The following FBXO21 variants were observed in gnomAD, a reference collection of about 807,000 sequenced individuals.
FBXO21 encodes F-box only protein 21.
In FBXO21, 32 loss-of-function variants were observed where a neutral mutation model predicts 76.6. The ratio of observed to expected loss-of-function variants is 0.42; its 90% CI spans 0.32 to 0.56. The LOEUF is 0.56. FBXO21 is among the 20% of genes least tolerant of loss of function. The pLI is 0.16. For missense variants in FBXO21, 586 were observed against 797.3 expected, an observed-to-expected ratio of 0.73 and a Z score of 3.19; for synonymous variants, 328 against 311.5, an observed-to-expected ratio of 1.05 and a Z score of -0.56.
At chr12:117,158,994 C>T (rs1401596168) in intron 9 of FBXO21, among the ~76,000 whole-genome samples, 6 of 152,226 alleles carry the variant, frequency 3.9e-5, no homozygotes, top group Non-Finnish European at 8.8e-5. Context: ...TTACAGCAAC[C>T]TGGACTCTAG....
In FBXO21 at chr12:117,145,549, G is replaced by A. The variant is rs1230863633; in HGVS notation, c.*538C>T. ...TTCTAATTACCATTAGCTTGTTAAT[G>A]TCTCCATCTCTAAGATGCTGCCAAG... is the stretch of plus-strand genomic sequence containing the variant. On this transcript the variant is annotated 3_prime_UTR_variant, in exon 12 of 12. Transcript: ENST00000622495. 1 of 152,076 alleles carries A rather than the reference G, an allele frequency of 6.6e-6. No homozygotes were observed. Among genetic ancestry groups the A allele is most frequent in the East Asian group, 1.9e-4 (1 of 5,192 alleles). The allele number at this position is 152,076 out of a possible 1,614,324, so 9.4% of individuals were successfully genotyped here.
Position 117,171,336 on chromosome 12 carries a change from T to C in FBXO21, c.1013+1135A>G, listed in dbSNP as rs897681881. Among the ~76,000 whole-genome samples the C allele has an allele frequency of 7.9e-5, 9 of 114,102 alleles. No homozygotes were observed. The Admixed American group carries it at 1.2e-3, about 15-fold the overall frequency. 74.9% of individuals were successfully genotyped at this position (114,102 alleles called of 152,430 possible). On this transcript the variant is annotated intron_variant, in intron 7 of 11. Transcript: ENST00000622495. ...TTGCGCCAATGCACCCCAGCCTGGG[T>C]GGCACAGCCAGACCCTGTCTCAAAA...
Position 117,190,330 on chromosome 12 carries a change from A to G in FBXO21, c.127T>C (p.Cys43Arg), listed in dbSNP as rs1474263533. The G allele has an allele frequency of 6.5e-7, 1 of 1,542,560 alleles. No homozygotes were observed. Among genetic ancestry groups the G allele is most frequent in the Non-Finnish European group, 8.7e-7 (1 of 1,154,516 alleles). ...LPGEVLEYIL[C>R]CGSLTAADIG... ...TCGGCGGCCGTCAGCGAGCCGCAGC[A>G]CAGGATGTACTCCAGCACCTCACCC... Residue 43 changes from cysteine to arginine, a missense_variant, in exon 1 of 12, where the codon TGC (cysteine) becomes CGC (arginine). Transcript: ENST00000622495.
At position 117,165,721 on chromosome 12, in the gene FBXO21, C is replaced by T. The variant is rs144806923; in HGVS notation, c.1194-104G>A. 75 of 1,157,108 alleles carry T rather than the reference C, an allele frequency of 6.5e-5. No homozygotes were observed. The African/African-American group carries it at 1.0e-3, about 16-fold the overall frequency. The allele number at this position is 1,157,108 out of a possible 1,614,324, so 71.7% of individuals were successfully genotyped here. A position where few individuals can be genotyped will look rare whatever the true frequency, so the allele number is the denominator to read the frequency against. On this transcript the variant is annotated intron_variant, in intron 8 of 11. Coordinates refer to ENST00000622495, the MANE Select transcript of FBXO21 (RefSeq NM_015002.3). ...AAATATAATTGACACAAATCCCAAA[C>T]GTTTTCTGATTCTGGTATTTCTTCT...
At chr12:117,149,925 T>C (rs1349255910) in intron 11 of FBXO21, among the ~76,000 whole-genome samples, 1 of 151,934 alleles carries the variant, frequency 6.6e-6, no homozygotes, top group African/African-American at 2.4e-5. Context: ...GCATGAGAAG[T>C]CCAGGCAGGA....
chr12:117,167,745 C>CAAAA (rs113871818), intron 7 of FBXO21, among the ~76,000 whole-genome samples: 1 of 134,490 alleles, frequency 7.4e-6, no homozygotes, highest in African/African-American at 2.9e-5. Context: ...GACTCTGTCT[C>CAAAA]AAAAAAAAAA....
intron 11 of FBXO21, among the ~76,000 whole-genome samples, chr12:117,147,098 C>G (rs572963096): frequency 2.0e-5 from 3 of 151,422 alleles, no homozygotes; most frequent in Non-Finnish European, 4.4e-5. Flanking sequence ...AAAAACTAGC[C>G]AGGCATGGTG....
At chr12:117,185,751 C>T (rs1956275513) in intron 3 of FBXO21, among the ~76,000 whole-genome samples, 1 of 152,096 alleles carries the variant, frequency 6.6e-6, no homozygotes, top group African/African-American at 2.4e-5. Context: ...AAAAATCATC[C>T]ATTAAATTAA....
intron 11 of FBXO21, among the ~76,000 whole-genome samples, chr12:117,148,228 G>A (rs1206131553): frequency 1.3e-5 from 2 of 152,160 alleles, no homozygotes; most frequent in African/African-American, 4.8e-5. Context: ...AGGCTGTTTC[G>A]GCAGACTGTG....
At chr12:117,170,886 A>G (rs2135869860) in intron 7 of FBXO21, among the ~76,000 whole-genome samples, 1 of 152,228 alleles carries the variant, frequency 6.6e-6, no homozygotes, top group Non-Finnish European at 1.5e-5. Flanking sequence ...TGGTTGGGTT[A>G]TTTGGGGAGA....
intron 11 of FBXO21, among the ~76,000 whole-genome samples, chr12:117,148,062 C>T (rs773176531): frequency 6.6e-6 from 1 of 152,208 alleles, no homozygotes; most frequent in Non-Finnish European, 1.5e-5. Flanking sequence ...CCTGCATCCC[C>T]GAAGTACACA....
chr12:117,148,376 C>G (rs1955802792), intron 11 of FBXO21, among the ~76,000 whole-genome samples: 1 of 152,200 alleles, frequency 6.6e-6, no homozygotes, highest in Non-Finnish European at 1.5e-5. Flanking sequence ...TGTAAACGTC[C>G]AAGTGTAGGT....
chr12:117,172,830 T>C (rs1318644378), intron 6 of FBXO21, among the ~76,000 whole-genome samples: 4 of 152,206 alleles, frequency 2.6e-5, no homozygotes, highest in East Asian at 3.9e-4. Context: ...AGAAGTTTTA[T>C]GTTTTTTAAT....
chr12:117,151,525 C>G (rs1004562398), intron 11 of FBXO21, among the ~76,000 whole-genome samples: 1 of 152,132 alleles, frequency 6.6e-6, no homozygotes, highest in Non-Finnish European at 1.5e-5. Flanking sequence ...GAGCCAAAGG[C>G]TGGAAATTTA....
intron 11 of FBXO21, among the ~76,000 whole-genome samples, chr12:117,148,845 G>A (rs1189123938): frequency 2.6e-5 from 4 of 152,144 alleles, no homozygotes; most frequent in Non-Finnish European, 5.9e-5. Context: ...AGGAGCCTGT[G>A]GTTTCAGGAC....
intron 9 of FBXO21, among the ~76,000 whole-genome samples, chr12:117,164,274 CTTTT>C (rs538169408): frequency 1.6e-5 from 2 of 126,860 alleles, no homozygotes; most frequent in Non-Finnish European, 1.7e-5. Flanking sequence ...CTTTTCTTTT[CTTTT>C]TTTTTTTTTT....
At chr12:117,189,130 A>G in intron 2 of FBXO21, 97 bp downstream of exon 2, 1 of 1,385,276 alleles carries the variant, frequency 7.2e-7, no homozygotes. Context: ...GAGCATTGAA[A>G]AGGGAGATAC....
chr12:117,182,137 A>C (rs914809972), intron 3 of FBXO21, among the ~76,000 whole-genome samples: 3 of 152,250 alleles, frequency 2.0e-5, no homozygotes, highest in Admixed American at 6.5e-5. Flanking sequence ...GAATGAAAAC[A>C]AACAGGGTCT....
At chr12:117,181,708 G>A (rs915350130) in intron 3 of FBXO21, among the ~76,000 whole-genome samples, 2 of 151,854 alleles carry the variant, frequency 1.3e-5, no homozygotes, top group African/African-American at 4.8e-5. Flanking sequence ...GGAGTGCAGC[G>A]GCATAATGTC....
Sources: gnomAD v4.1 joint callset for allele counts (sites outside exome capture counted in the v4.1 genomes callset) on GRCh38, gnomAD v4.1.1 for gene constraint, MANE v1.5 for transcripts, NCBI Gene and HGNC (gene_info 2026-07-23, HGNC 2026-07-21) for gene names.